SLC8A1: variants seen among roughly 807,000 people sequenced by gnomAD.
SLC8A1 encodes solute carrier family 8 member A1.
SLC8A1 carries 18 observed loss-of-function variants against 68.3 expected under a neutral mutation model. The ratio of observed to expected loss-of-function variants is 0.26; its 90% CI spans 0.18 to 0.39. SLC8A1 has a LOEUF of 0.39. Ranked by LOEUF, SLC8A1 falls within the 10% of genes least tolerant of loss-of-function variation. The pLI, the probability that SLC8A1 is intolerant of heterozygous loss-of-function variation, is 1.00. For synonymous variants in SLC8A1, 475 were observed against 415.5 expected (o/e 1.14, Z -1.74); for missense variants, 985 against 1,156.7 (o/e 0.85, Z 2.15).
At chr2:40,388,969 G>C (rs1487706116) in intron 2 of SLC8A1, among the ~76,000 whole-genome samples, 2 of 152,082 alleles carry the variant, frequency 1.3e-5, no homozygotes, top group Admixed American at 1.3e-4. Flanking sequence ...CTAAAGTTTA[G>C]GAAACGTAAG....
intron 1 of SLC8A1, among the ~76,000 whole-genome samples, chr2:40,462,919 A>C (rs1221912815): frequency 1.3e-5 from 2 of 152,198 alleles, no homozygotes; most frequent in Admixed American, 1.3e-4. Flanking sequence ...ATGATAGATA[A>C]AAATTATTCG....
chr2:40,373,056 C>CG (rs869056026), intron 2 of SLC8A1, among the ~76,000 whole-genome samples: 1 of 15,026 alleles, frequency 6.7e-5, no homozygotes, highest in African/African-American at 1.3e-3. Context: ...CAAACTATGT[C>CG]CTAGCCATAA....
intron 2 of SLC8A1, chr2:40,254,518 AGCTAAAT>A (rs910392804): frequency 6.6e-6 from 1 of 151,240 alleles, no homozygotes; most frequent in Non-Finnish European, 1.5e-5. Context: ...AAAAACATGA[AGCTAAAT>A]GCAGTAAAGA....
At chr2:40,425,037 ATTTT>A (rs953081540) in intron 2 of SLC8A1, among the ~76,000 whole-genome samples, 1 of 151,828 alleles carries the variant, frequency 6.6e-6, no homozygotes, top group Non-Finnish European at 1.5e-5. Context: ...TTCTTAATTT[ATTTT>A]TTATTAGCTG....
intron 1 of SLC8A1, among the ~76,000 whole-genome samples, chr2:40,464,026 C>T (rs1329744759): frequency 6.6e-6 from 1 of 152,048 alleles, no homozygotes; most frequent in African/African-American, 2.4e-5. Context: ...TCCTGAGTAG[C>T]TGGGATTACA....
intron 1 of SLC8A1, among the ~76,000 whole-genome samples, chr2:40,479,826 C>A (rs573382185): frequency 6.6e-6 from 1 of 152,168 alleles, no homozygotes; most frequent in Non-Finnish European, 1.5e-5. Flanking sequence ...CAGTTAGTAT[C>A]CCTTGCATTG....
At chr2:40,332,422 G>T (rs569748345) in intron 2 of SLC8A1, among the ~76,000 whole-genome samples, 12 of 150,172 alleles carry the variant, frequency 8.0e-5, no homozygotes, top group Admixed American at 4.0e-4. Context: ...ACATGTGTGT[G>T]GGGGGAGGAC....
intron 2 of SLC8A1, among the ~76,000 whole-genome samples, chr2:40,378,581 G>C (rs1680709084): frequency 6.6e-6 from 1 of 152,070 alleles, no homozygotes; most frequent in Non-Finnish European, 1.5e-5. Flanking sequence ...ATTATTTCTT[G>C]GGAGTTTCAA....
At chr2:40,247,000 A>G (rs528305099) in intron 2 of SLC8A1, among the ~76,000 whole-genome samples, 1 of 152,280 alleles carries the variant, frequency 6.6e-6, no homozygotes, top group African/African-American at 2.4e-5. Flanking sequence ...CTTACATGTT[A>G]AGAAACTTAA....
At position 40,349,061 on chromosome 2, in the gene SLC8A1, A is replaced by G. The variant is rs535428906; in HGVS notation, c.1808+79412T>C. Among the ~76,000 whole-genome samples, 7 of 152,294 alleles carry G rather than the reference A, an allele frequency of 4.6e-5. No individual in the cohort carries two copies. The East Asian group carries it at 1.2e-3, about 25-fold the overall frequency. Reference sequence around the variant, plus strand: ...GCACAAAATTGTGCACACAGCTTCAAGGGCTTCCTAGACTCCTTCATGCCC... The same window carrying G: ...GCACAAAATTGTGCACACAGCTTCAGGGGCTTCCTAGACTCCTTCATGCCC... On this transcript the variant is annotated intron_variant, in intron 2 of 7. Transcript: ENST00000406785.
At chr2:40,236,971 C>CTGTT (rs1274142689) in intron 2 of SLC8A1, among the ~76,000 whole-genome samples, 51 of 152,152 alleles carry the variant, frequency 3.4e-4, no homozygotes, top group African/African-American at 1.2e-3. Flanking sequence ...GAGAGATCCG[C>CTGTT]TGTTAGTCTG....
intron 2 of SLC8A1, among the ~76,000 whole-genome samples, chr2:40,203,709 G>A (rs1251156449): frequency 6.6e-6 from 1 of 151,846 alleles, no homozygotes; most frequent in Admixed American, 6.6e-5. Context: ...AATATGGTGA[G>A]GGTTATTTTA....
At chr2:40,273,545 G>A (rs1470645860) in intron 2 of SLC8A1, among the ~76,000 whole-genome samples, 1 of 152,196 alleles carries the variant, frequency 6.6e-6, no homozygotes, top group Non-Finnish European at 1.5e-5. Context: ...AGCTTGATTT[G>A]AAGGACAACC....
intron 3 of SLC8A1, 68 bp from the exon 4 acceptor site, chr2:40,175,349 T>G: frequency 1.4e-5 from 20 of 1,470,588 alleles, no homozygotes; most frequent in Non-Finnish European, 1.7e-5. Flanking sequence ...GTAAGAGGAA[T>G]ATCAGCAGAA....
At chr2:40,322,198 G>C (rs986754034) in intron 2 of SLC8A1, among the ~76,000 whole-genome samples, 1 of 152,140 alleles carries the variant, frequency 6.6e-6, no homozygotes, top group Admixed American at 6.5e-5. Flanking sequence ...TAAGAAACGA[G>C]TTTTCCAGGT....
chr2:40,244,618 A>C lies in SLC8A1; in HGVS notation c.1809-66763T>G, dbSNP rs557776973. 4.0e-5 allele frequency among the ~76,000 whole-genome samples: 6 copies of C among 149,848 alleles called. No individual in the cohort carries two copies. In the East Asian group the frequency reaches 7.8e-4, roughly 19 times the overall value. ...CAAACCCCACAAACTTTCTGACAGA[A>C]AGCACTCGTCAATTTTAGCCTGTCT... On this transcript the variant is annotated intron_variant, in intron 2 of 7. Coordinates refer to ENST00000406785, the Ensembl canonical transcript of SLC8A1.
chr2:40,431,894 A>G (rs1698400038), intron 1 of SLC8A1, among the ~76,000 whole-genome samples: 1 of 152,140 alleles, frequency 6.6e-6, no homozygotes, highest in African/African-American at 2.4e-5. Flanking sequence ...ATCCCACCAT[A>G]GACTAAAGCC....
chr2:40,219,875 A>ATTTTTT lies in SLC8A1; in HGVS notation c.1809-42026_1809-42021dup, dbSNP rs1162934399. On this transcript the variant is annotated intron_variant, in intron 2 of 7. Transcript: ENST00000406785. The stretch of plus-strand genomic sequence containing the variant: ...TCCAACAGAGCCTCCCTACTATAGG[A>ATTTTTT]TTTTTTTTTTTTTTTTTTTTTTTTT... Among the ~76,000 whole-genome samples the ATTTTTT allele has an allele frequency of 2.9e-3, 80 of 27,720 alleles. 4 individuals are homozygous for ATTTTTT. The highest frequency in any genetic ancestry group is 7.1e-3 in the African/African-American group (77 of 10,874). The allele number at this position is 27,720 out of a possible 152,430, so 18.2% of individuals were successfully genotyped here. A position where few individuals can be genotyped will look rare whatever the true frequency, so the allele number is the denominator to read the frequency against.
At chr2:40,343,132 G>C (rs541705853) in intron 2 of SLC8A1, among the ~76,000 whole-genome samples, 1 of 152,038 alleles carries the variant, frequency 6.6e-6, no homozygotes, top group Non-Finnish European at 1.5e-5. Flanking sequence ...ATGATTCAAT[G>C]TAAAACTTGG....
Sources: gnomAD v4.1 joint callset for allele counts (sites outside exome capture counted in the v4.1 genomes callset) on GRCh38, gnomAD v4.1.1 for gene constraint, MANE v1.5 for transcripts, NCBI Gene and HGNC (gene_info 2026-07-23, HGNC 2026-07-21) for gene names.